The following CPQ variants were observed in gnomAD, a reference collection of about 807,000 sequenced individuals.
CPQ encodes Ser-Met dipeptidase.
In CPQ, 37 loss-of-function variants were observed where a neutral mutation model predicts 45.7. The ratio of observed to expected loss-of-function variants is 0.81; its 90% CI spans 0.62 to 1.07. CPQ has a LOEUF of 1.07. Ranked by LOEUF, CPQ falls within the 50% of genes least tolerant of loss-of-function variation. CPQ has a pLI of 0.00. For missense variants in CPQ, 537 were observed against 572.9 expected, an observed-to-expected ratio of 0.94 and a Z score of 0.64; for synonymous variants, 186 against 205.8, an observed-to-expected ratio of 0.90 and a Z score of 0.82.
Position 96,846,059 on chromosome 8 carries a change from C to A in CPQ, c.641+10879C>A, listed in dbSNP as rs563108493. ...TCTCGAACTCCTGACCTCAAGTGAT[C>A]CACCCACCTCAGCTTCCCAAAATGC... On this transcript the variant is annotated intron_variant, in intron 3 of 7. Coordinates refer to ENST00000220763, the MANE Select transcript of CPQ (RefSeq NM_016134.4). Among the ~76,000 whole-genome samples the A allele has an allele frequency of 5.8e-3, 887 of 152,302 alleles. 2 individuals are homozygous for A. Among genetic ancestry groups the A allele is most frequent in the Non-Finnish European group, 9.9e-3 (674 of 68,022 alleles).
chr8:96,964,171 TATAC>T (rs1224458034), intron 4 of CPQ, among the ~76,000 whole-genome samples: 7 of 74,568 alleles, frequency 9.4e-5, no homozygotes, highest in Non-Finnish European at 1.8e-4. Flanking sequence ...TTGGTTAAAG[TATAC>T]ACACACACAC....
At position 97,024,811 on chromosome 8, in the gene CPQ, T is replaced by C. The variant is rs532128549; in HGVS notation, c.962-4592T>C. 1.3e-3 allele frequency among the ~76,000 whole-genome samples: 199 copies of C among 152,334 alleles called. 1 individual carries two copies. In the Middle Eastern group the frequency reaches 0.014, roughly 10 times the overall value. ...AGTTTATTGCAGGAATATAAATCTC[T>C]TTAAGTGTAGGCACTCTCTTCTGGG... On this transcript the variant is annotated intron_variant, in intron 5 of 7. Transcript: ENST00000220763.
At chr8:96,890,032 T>C (rs1812352767) in intron 4 of CPQ, among the ~76,000 whole-genome samples, 1 of 152,172 alleles carries the variant, frequency 6.6e-6, no homozygotes, top group African/African-American at 2.4e-5. Context: ...CTTGAACCCA[T>C]ACACATCTCC....
intron 1 of CPQ, among the ~76,000 whole-genome samples, chr8:96,688,137 ATAG>A: frequency 6.9e-6 from 1 of 145,084 alleles, no homozygotes; most frequent in African/African-American, 2.9e-5. Flanking sequence ...GGGTAATTAG[ATAG>A]TCATAACATT....
At chr8:97,065,520 T>A (rs1321518386) in intron 6 of CPQ, among the ~76,000 whole-genome samples, 3 of 152,148 alleles carry the variant, frequency 2.0e-5, no homozygotes, top group Admixed American at 2.0e-4. Flanking sequence ...GCTTGATGCC[T>A]TTAAGCTTCG....
chr8:96,702,962 G>A (rs565255354), intron 1 of CPQ, among the ~76,000 whole-genome samples: 1 of 152,212 alleles, frequency 6.6e-6, no homozygotes, highest in East Asian at 1.9e-4. Flanking sequence ...AAATGTGTGT[G>A]TTAGATAACC....
rs1331343164 is a variant in CPQ at position 97,087,478 on chromosome 8, T to C, written c.1255+21268T>C. ...GCAAGTCATCACCACCCCAGAGTGG[T>C]GGGCTCTTATCTGTATTTTAATTTT... On this transcript the variant is annotated intron_variant, in intron 7 of 7. Coordinates refer to ENST00000220763, the MANE Select transcript of CPQ (RefSeq NM_016134.4). Among the ~76,000 whole-genome samples, 6 of 151,708 alleles carry C rather than the reference T, an allele frequency of 4.0e-5. No individual in the cohort carries two copies. The East Asian group carries it at 7.7e-4, about 20-fold the overall frequency.
chr8:96,732,532 C>G (rs1230721549), intron 1 of CPQ: 1 of 151,202 alleles, frequency 6.6e-6, no homozygotes, highest in Non-Finnish European at 1.5e-5. Flanking sequence ...TGCTACTGCA[C>G]TTTAATATAG....
In CPQ at chr8:96,731,645, G is replaced by A. The variant is rs561147639; in HGVS notation, c.-34-53219G>A. ...TTCAGATAAACTGTTAATCAATGGG[G>A]AGGGAACCAGGCAAAGTCCATTTTA... On this transcript the variant is annotated intron_variant, in intron 1 of 7. Coordinates refer to ENST00000220763, the MANE Select transcript of CPQ (RefSeq NM_016134.4). Among the ~76,000 whole-genome samples, 10 of 152,248 alleles carry A rather than the reference G, an allele frequency of 6.6e-5. No individual in the cohort carries two copies. The East Asian group carries it at 1.7e-3, about 26-fold the overall frequency.
chr8:96,980,010 G>A (rs1813862100), intron 5 of CPQ, among the ~76,000 whole-genome samples: 2 of 151,842 alleles, frequency 1.3e-5, no homozygotes, highest in African/African-American at 4.8e-5. Flanking sequence ...AAAATCTCTA[G>A]GTAAGTGAGA....
chr8:96,667,875 A>G (rs1808946936), intron 1 of CPQ, among the ~76,000 whole-genome samples: 1 of 152,018 alleles, frequency 6.6e-6, no homozygotes, highest in African/African-American at 2.4e-5. Flanking sequence ...TTACACTTCA[A>G]TTTCACTACT....
chr8:96,934,645 A>G (rs540063879), intron 4 of CPQ, among the ~76,000 whole-genome samples: 7 of 152,206 alleles, frequency 4.6e-5, no homozygotes, highest in South Asian at 2.1e-4. Context: ...TTGCCTGCAC[A>G]TTGCTGCCAC....
At chr8:96,790,063 T>C (rs188176558) in intron 2 of CPQ, among the ~76,000 whole-genome samples, 323 of 152,270 alleles carry the variant, frequency 2.1e-3, no homozygotes, top group South Asian at 8.3e-3. Context: ...ATCGTGAAGC[T>C]ACCAGCACCC....
In CPQ at chr8:97,115,570, A is replaced by C. The variant is rs529236474; in HGVS notation, c.1256-27450A>C. Among the ~76,000 whole-genome samples the C allele has an allele frequency of 3.3e-5, 5 of 152,314 alleles. No individual in the cohort carries two copies. The East Asian group carries it at 9.7e-4, about 29-fold the overall frequency. On this transcript the variant is annotated intron_variant, in intron 7 of 7. Transcript: ENST00000220763. ...ATTTGAAAACGTCTGTGCCATTTTT[A>C]AATTTGTTCTCGAAATAGTTGATCA...
At chr8:96,648,892 G>T (rs73696207) in intron 1 of CPQ, among the ~76,000 whole-genome samples, 1 of 152,256 alleles carries the variant, frequency 6.6e-6, no homozygotes, top group Non-Finnish European at 1.5e-5. Context: ...GTAGGGAGGT[G>T]TGGTAAGGTT....
intron 1 of CPQ, among the ~76,000 whole-genome samples, chr8:96,716,155 G>A (rs1370650260): frequency 6.6e-6 from 1 of 152,156 alleles, no homozygotes; most frequent in Non-Finnish European, 1.5e-5. Context: ...GTTTTCTCTG[G>A]CCTGGGCGCT....
At chr8:96,874,556 C>A (rs1458082860) in intron 3 of CPQ, among the ~76,000 whole-genome samples, 2 of 151,750 alleles carry the variant, frequency 1.3e-5, no homozygotes, top group Non-Finnish European at 3.0e-5. Context: ...CTAGATCTGC[C>A]TGTTCTGGAC....
At chr8:96,994,724 C>T (rs1371118867) in intron 5 of CPQ, among the ~76,000 whole-genome samples, 5 of 152,152 alleles carry the variant, frequency 3.3e-5, no homozygotes, top group African/African-American at 9.6e-5. Flanking sequence ...CTGGGACAGT[C>T]CCAATTTATT....
At chr8:96,874,488 C>T (rs978020757) in intron 3 of CPQ, among the ~76,000 whole-genome samples, 1 of 151,768 alleles carries the variant, frequency 6.6e-6, no homozygotes, top group African/African-American at 2.4e-5. Context: ...TCCTGGGCAA[C>T]CTAAAATTTA....
Sources: allele counts gnomAD v4.1 joint callset (sites outside exome capture counted in the v4.1 genomes callset), GRCh38; gene constraint gnomAD v4.1.1; transcripts MANE v1.5; gene names NCBI Gene and HGNC (gene_info 2026-07-23, HGNC 2026-07-21).